The following CYRIB variants were observed in gnomAD, a reference collection of about 807,000 sequenced individuals.
The protein encoded by CYRIB is CYFIP-related Rac1 interactor B.
A neutral mutation model predicts 44.2 loss-of-function variants in CYRIB; 8 were observed. That is an observed-to-expected ratio of 0.18 (90% CI 0.11 to 0.33). The LOEUF (loss-of-function observed/expected upper bound fraction) is 0.33, where lower values mean the gene tolerates loss of function less well. Among genes scored for constraint, CYRIB ranks in the 10% least tolerant of loss-of-function variants. The probability of loss-of-function intolerance (pLI) is 1.00; values close to 1 mark genes in which losing one functional copy is unlikely to be tolerated. For synonymous variants in CYRIB, 131 were observed against 127.2 expected, an observed-to-expected ratio of 1.03 and a Z score of -0.20; for missense variants, 185 against 382.8, an observed-to-expected ratio of 0.48 and a Z score of 4.31.
chr8:129,861,465 G>A (rs1192153195), intron 5 of CYRIB, among the ~76,000 whole-genome samples: 1 of 151,742 alleles, frequency 6.6e-6, no homozygotes, highest in African/African-American at 2.4e-5. Flanking sequence ...TTTGAGACAG[G>A]GTCTCACTTT....
upstream of CYRIB, among the ~76,000 whole-genome samples, chr8:129,943,245 G>T (rs543257653): frequency 9.9e-5 from 15 of 152,028 alleles, no homozygotes; most frequent in South Asian, 4.2e-4. Flanking sequence ...AATTCAGAAG[G>T]GTAGAGGAAA....
At chr8:129,865,458 T>C (rs1464935568) in intron 4 of CYRIB, among the ~76,000 whole-genome samples, 2 of 152,210 alleles carry the variant, frequency 1.3e-5, no homozygotes, top group African/African-American at 4.8e-5. Flanking sequence ...TAACCCTATG[T>C]CGTGATCATA....
At chr8:129,922,028 G>C (rs1361414434) in intron 1 of CYRIB, among the ~76,000 whole-genome samples, 2 of 152,146 alleles carry the variant, frequency 1.3e-5, no homozygotes, top group Non-Finnish European at 2.9e-5. Context: ...CAAAGACCAA[G>C]GACACTTGAA....
chr8:129,844,698 A>G (rs938225953), intron 11 of CYRIB, among the ~76,000 whole-genome samples: 1 of 152,214 alleles, frequency 6.6e-6, no homozygotes, highest in Non-Finnish European at 1.5e-5. Context: ...AAACAAACAT[A>G]TACATACATA....
At chr8:129,904,051 G>C (rs1425974939) in intron 1 of CYRIB, among the ~76,000 whole-genome samples, 1 of 152,148 alleles carries the variant, frequency 6.6e-6, no homozygotes, top group Admixed American at 6.5e-5. Flanking sequence ...ACCATGCCGG[G>C]CTTGGTTTTA....
At chr8:129,938,710 G>A (rs1292251079) in intron 1 of CYRIB, among the ~76,000 whole-genome samples, 1 of 152,128 alleles carries the variant, frequency 6.6e-6, no homozygotes, top group Non-Finnish European at 1.5e-5. Context: ...AATCAGTCAA[G>A]GGGCCAAGTG....
intron 2 of CYRIB, among the ~76,000 whole-genome samples, chr8:129,895,203 G>C (rs957584321): frequency 2.0e-5 from 3 of 151,190 alleles, no homozygotes; most frequent in African/African-American, 4.9e-5. Flanking sequence ...GGATCTCATC[G>C]TGTTGCCCAG....
intron 7 of CYRIB, among the ~76,000 whole-genome samples, chr8:129,852,869 TA>T (rs1388107502): frequency 2.0e-5 from 3 of 152,202 alleles, no homozygotes; most frequent in African/African-American, 7.2e-5. Context: ...AATGCTAGCT[TA>T]AGTTCATATT....
At chr8:129,933,595 G>A (rs887151662) in intron 1 of CYRIB, among the ~76,000 whole-genome samples, 1 of 152,188 alleles carries the variant, frequency 6.6e-6, no homozygotes, top group African/African-American at 2.4e-5. Flanking sequence ...GAACTGATAA[G>A]CCGGGTGCGG....
chr8:129,964,151 T>A (rs1393570015), intron 2 of CYRIB, among the ~76,000 whole-genome samples: 1 of 152,224 alleles, frequency 6.6e-6, no homozygotes, highest in Non-Finnish European at 1.5e-5. Flanking sequence ...GAAAGGCCCC[T>A]AAAGGTCAGT....
At chr8:129,957,838 G>A (rs894508410) in intron 2 of CYRIB, among the ~76,000 whole-genome samples, 1 of 151,704 alleles carries the variant, frequency 6.6e-6, no homozygotes, top group African/African-American at 2.4e-5. Flanking sequence ...AGTGGCGGGT[G>A]CCTATAGTCC....
intron 1 of CYRIB, among the ~76,000 whole-genome samples, chr8:129,922,489 T>C (rs143601275): frequency 6.6e-6 from 1 of 152,308 alleles, no homozygotes; most frequent in East Asian, 1.9e-4. Flanking sequence ...AAGAAAACTT[T>C]GTTTCAAAAC....
At chr8:129,959,139 T>C (rs2095084351) in intron 2 of CYRIB, among the ~76,000 whole-genome samples, 1 of 148,022 alleles carries the variant, frequency 6.8e-6, no homozygotes, top group African/African-American at 2.5e-5. Context: ...CAGTAACTAC[T>C]CCCAAGGCCC....
intron 1 of CYRIB, among the ~76,000 whole-genome samples, chr8:130,008,139 G>A (rs2097146530): frequency 6.6e-6 from 1 of 151,846 alleles, no homozygotes; most frequent in Non-Finnish European, 1.5e-5. Context: ...AACCCGGGAG[G>A]TGGAGGTTGC....
chr8:129,941,437 C>A (rs2093695496), upstream of CYRIB, among the ~76,000 whole-genome samples: 1 of 152,032 alleles, frequency 6.6e-6, no homozygotes, highest in Admixed American at 6.6e-5. Context: ...CCATGCCTGG[C>A]TAATTTTTTG....
intron 2 of CYRIB, among the ~76,000 whole-genome samples, chr8:129,965,796 A>T (rs2095455634): frequency 6.9e-6 from 1 of 144,000 alleles, no homozygotes; most frequent in South Asian, 2.2e-4. Flanking sequence ...ACTCTGTCTC[A>T]AAAAAAAAAA....
At chr8:129,943,940 AC>A (rs2093952005), upstream of CYRIB, among the ~76,000 whole-genome samples, 1 of 144,516 alleles carries the variant, frequency 6.9e-6, no homozygotes, top group Non-Finnish European at 1.5e-5. Flanking sequence ...AAAGAATGAG[AC>A]CTCTTAGCTT....
At chr8:129,858,147 C>T in intron 5 of CYRIB, among the ~76,000 whole-genome samples, 1 of 152,244 alleles carries the variant, frequency 6.6e-6, no homozygotes. Flanking sequence ...GCCTACAATG[C>T]TCTGTCTCAA....
chr8:129,914,280 CTG>C (rs1364231642), intron 1 of CYRIB, among the ~76,000 whole-genome samples: 3 of 152,156 alleles, frequency 2.0e-5, no homozygotes, highest in Admixed American at 2.0e-4. Flanking sequence ...AAAGAGTTGA[CTG>C]TGAGAATGGT....
Sources: gnomAD v4.1 joint callset for allele counts (sites outside exome capture counted in the v4.1 genomes callset) on GRCh38, gnomAD v4.1.1 for gene constraint, MANE v1.5 for transcripts, NCBI Gene and HGNC (gene_info 2026-07-23, HGNC 2026-07-21) for gene names.